FLYWCH1: variants seen among roughly 807,000 people sequenced by gnomAD.
The protein encoded by FLYWCH1 is FLYWCH-type zinc finger 1.
In FLYWCH1, 75 loss-of-function variants were observed where a neutral mutation model predicts 66.4. That is an observed-to-expected ratio of 1.13 (90% CI 0.94 to 1.37). FLYWCH1 has a LOEUF of 1.37. FLYWCH1 is among the 40% of genes most tolerant of loss of function. FLYWCH1 has a pLI of 0.00. For synonymous variants in FLYWCH1, 595 were observed against 429.9 expected (o/e 1.38, Z -4.75); for missense variants, 1,334 against 1,001.8 (o/e 1.33, Z -4.48).
At chr16:2,939,913 C>T (rs893947686) in intron 8 of FLYWCH1, 119 bp from the exon 9 acceptor site, 19 of 1,211,796 alleles carry the variant, frequency 1.6e-5, no homozygotes, top group Non-Finnish European at 1.9e-5. Flanking sequence ...CGTTGCTTCA[C>T]CCGGTTGTCT....
rs749889939 is a variant in FLYWCH1, at chr16:2,937,179, C to T, written c.1572C>T (p.Phe524=). 304 of 1,383,938 alleles carry T rather than the reference C, an allele frequency of 2.2e-4. No individual in the cohort carries two copies. Among genetic ancestry groups the T allele is most frequent in the Non-Finnish European group, 2.7e-4 (288 of 1,057,404 alleles). The allele number at this position is 1,383,938 out of a possible 1,614,324, so 85.7% of individuals were successfully genotyped here. A position where few individuals can be genotyped will look rare whatever the true frequency, so the allele number is the denominator to read the frequency against. Residue 524 remains phenylalanine (F), a synonymous_variant, in exon 7 of 10, where the codon TTC becomes TTT. Coordinates refer to ENST00000253928, the MANE Select transcript of FLYWCH1 (RefSeq NM_001308068.2). ...GCAGCTTCCTGGTGTACGAGTCCTT[C>T]CTCTACCGGCGGGAGAAGGCGGCCG... The part of the protein sequence containing the change: ...LGGSFLVYES[F]LYRREKAAGE...
chr16:2,925,024 T>G (rs1209855906), intron 2 of FLYWCH1, among the ~76,000 whole-genome samples: 2 of 152,234 alleles, frequency 1.3e-5, no homozygotes, highest in Non-Finnish European at 2.9e-5. Context: ...ACCTTCACTC[T>G]GACGGCCTGG....
Position 2,930,690 on chromosome 16 carries a change from C to T in FLYWCH1, c.606C>T (p.Pro202=). 6.5e-7 allele frequency: 1 copy of T among 1,544,296 alleles called. No homozygotes were observed. The highest frequency in any genetic ancestry group is 1.2e-5 in the South Asian group (1 of 84,116). Residue 202 remains proline, a synonymous_variant, in exon 4 of 10, where the codon CCC becomes CCT. Transcript: ENST00000253928. ...CCCTGCCAGAGGGCTTGGGAGAGCC[C>T]CAGGGTCCTGAGGGCCCTGGAGGCC... The part of the protein sequence containing the change: ...SLALPEGLGE[P]QGPEGPGGRV...
chr16:2,944,274 C>T (rs1221179428), intron 9 of FLYWCH1, among the ~76,000 whole-genome samples: 2 of 151,552 alleles, frequency 1.3e-5, no homozygotes, highest in Non-Finnish European at 2.9e-5. Context: ...CCTGTAATCC[C>T]AGCTACTTGG....
rs898803409 is a variant in FLYWCH1 at position 2,931,852 on chromosome 16, G to A, written c.796+972G>A. 6.6e-4 allele frequency among the ~76,000 whole-genome samples: 100 copies of A among 152,138 alleles called. 2 individuals carry two copies. The highest frequency in any genetic ancestry group is 6.2e-4 in the South Asian group (3 of 4,808). On this transcript the variant is annotated intron_variant, in intron 4 of 9. Coordinates refer to ENST00000253928, the MANE Select transcript of FLYWCH1 (RefSeq NM_001308068.2). The stretch of plus-strand genomic sequence containing the variant: ...GGCGAGGCTGGGCGCTTTGGCTCAC[G>A]CCTGTAATCCCAGCACTTTGGGAGG...
intron 9 of FLYWCH1, among the ~76,000 whole-genome samples, chr16:2,944,871 C>T (rs1192245913): frequency 6.6e-6 from 1 of 151,868 alleles, no homozygotes; most frequent in Non-Finnish European, 1.5e-5. Flanking sequence ...CAGGCAGGTC[C>T]TTCAAGACTT....
Position 2,945,895 on chromosome 16 carries a change from G to T in FLYWCH1, c.2112-2793G>T, listed in dbSNP as rs373686335. On this transcript the variant is annotated intron_variant, in intron 9 of 9. Coordinates refer to ENST00000253928, the MANE Select transcript of FLYWCH1 (RefSeq NM_001308068.2). Reference sequence around the variant, plus strand: ...GCCTGTAGTCCCAGTTACTCGGGAGGCTGAGGCAGGAGAATGGCGTGAACC... The same window carrying T: ...GCCTGTAGTCCCAGTTACTCGGGAGTCTGAGGCAGGAGAATGGCGTGAACC... Among the ~76,000 whole-genome samples the T allele has an allele frequency of 5.3e-5, 8 of 152,018 alleles. No homozygotes were observed. The East Asian group carries it at 1.4e-3, about 26-fold the overall frequency.
At chr16:2,932,751 C>T (rs2070812043) in intron 4 of FLYWCH1, among the ~76,000 whole-genome samples, 1 of 152,060 alleles carries the variant, frequency 6.6e-6, no homozygotes. Context: ...TGACAGAAAA[C>T]AGAGACCACT....
At chr16:2,941,604 T>C (rs926617122) in intron 9 of FLYWCH1, among the ~76,000 whole-genome samples, 7 of 150,474 alleles carry the variant, frequency 4.7e-5, no homozygotes, top group African/African-American at 1.7e-4. Context: ...GGGCCAAGCA[T>C]GGTGGCTCAC....
chr16:2,924,637 C>G (rs2070492286), intron 2 of FLYWCH1, among the ~76,000 whole-genome samples: 1 of 152,184 alleles, frequency 6.6e-6, no homozygotes, highest in Non-Finnish European at 1.5e-5. Context: ...GTACCCTACG[C>G]TCCTGCCACG....
In FLYWCH1 at chr16:2,929,938, G is replaced by A. The variant is rs544999887; in HGVS notation, c.253G>A (p.Val85Ile). 1 of 1,613,640 alleles carries A rather than the reference G, an allele frequency of 6.2e-7. No individual in the cohort carries two copies. Among genetic ancestry groups the A allele is most frequent in the East Asian group, 2.2e-5 (1 of 44,862 alleles). Residue 85 changes from valine to isoleucine, a missense_variant, in exon 3 of 10, where the codon GTT (valine) becomes ATT (isoleucine). Coordinates refer to ENST00000253928, the MANE Select transcript of FLYWCH1 (RefSeq NM_001308068.2). ...TLASTLQILP[V>I]EEQGGVVQPA... ...CGCCAGCACCTTGCAGATCCTGCCAGTTGAGGAGCAGGGAGGGGTGGTCCA... is the reference window on the plus strand; with the variant it reads ...CGCCAGCACCTTGCAGATCCTGCCAATTGAGGAGCAGGGAGGGGTGGTCCA...
intron 2 of FLYWCH1, among the ~76,000 whole-genome samples, chr16:2,915,662 C>G (rs1056538245): frequency 6.6e-6 from 1 of 151,696 alleles, no homozygotes; most frequent in Non-Finnish European, 1.5e-5. Context: ...AATCCCAGCA[C>G]TTTGAGAGGC....
chr16:2,918,711 G>A (rs1231099778), intron 2 of FLYWCH1, among the ~76,000 whole-genome samples: 3 of 152,130 alleles, frequency 2.0e-5, no homozygotes, highest in African/African-American at 4.8e-5. Context: ...AAAGTGCTGG[G>A]ATTAGAGGCG....
At chr16:2,946,581 C>G (rs893346551) in intron 9 of FLYWCH1, among the ~76,000 whole-genome samples, 2 of 151,980 alleles carry the variant, frequency 1.3e-5, no homozygotes, top group African/African-American at 4.8e-5. Flanking sequence ...CCTCAGCCTC[C>G]CAAAGTGCTG....
At chr16:2,932,029 A>T (rs1162945129) in intron 4 of FLYWCH1, among the ~76,000 whole-genome samples, 1 of 149,690 alleles carries the variant, frequency 6.7e-6, no homozygotes, top group Non-Finnish European at 1.5e-5. Flanking sequence ...GAGGCAGGAG[A>T]ATGGCGTGAA....
At chr16:2,938,617 T>TG (rs1461815296) in intron 8 of FLYWCH1, among the ~76,000 whole-genome samples, 161 bp downstream of exon 8, 31 of 98,000 alleles carry the variant, frequency 3.2e-4, no homozygotes, top group Admixed American at 5.2e-4. Context: ...GTTTTTTTTT[T>TG]TTTTTTTTTT....
chr16:2,923,739 A>C (rs1327138063), intron 2 of FLYWCH1, among the ~76,000 whole-genome samples: 1 of 152,092 alleles, frequency 6.6e-6, no homozygotes, highest in Non-Finnish European at 1.5e-5. Context: ...TATTCCATCT[A>C]TTAAAAAGCC....
At chr16:2,942,751 G>C (rs1488016175) in intron 9 of FLYWCH1, among the ~76,000 whole-genome samples, 2 of 104,136 alleles carry the variant, frequency 1.9e-5, no homozygotes, top group Non-Finnish European at 3.8e-5. Flanking sequence ...TTTTGAGACG[G>C]AGTCTCACTC....
intron 8 of FLYWCH1, among the ~76,000 whole-genome samples, 151 bp downstream of exon 8, chr16:2,938,607 G>GTTTTTTTTTTTTTTTTTTT: frequency 7.7e-6 from 1 of 129,174 alleles, no homozygotes; most frequent in Non-Finnish European, 1.6e-5. Context: ...ACCAGTCTTT[G>GTTTTTTTTTTTTTTTTTTT]TTTTTTTTTT....
Sources: gnomAD v4.1 joint callset for allele counts (sites outside exome capture counted in the v4.1 genomes callset) on GRCh38, gnomAD v4.1.1 for gene constraint, MANE v1.5 for transcripts, NCBI Gene and HGNC (gene_info 2026-07-23, HGNC 2026-07-21) for gene names.